Variants in ZBTB7C observed in about 807,000 individuals in gnomAD.
ZBTB7C encodes the protein zinc finger and BTB domain containing 7C, also known as zinc finger and BTB domain-containing protein 7C.
Under a neutral mutation model 25.7 loss-of-function variants are expected in ZBTB7C, and 8 were observed. The ratio of observed to expected loss-of-function variants is 0.31; its 90% confidence interval spans 0.18 to 0.56. ZBTB7C has a LOEUF of 0.56. Ranked by LOEUF, ZBTB7C falls within the 20% of genes least tolerant of loss-of-function variation. The pLI, the probability that ZBTB7C is intolerant of heterozygous loss-of-function variation, is 0.91. For missense variants in ZBTB7C, 824 were observed against 855.2 expected (o/e 0.96, Z 0.46); for synonymous variants, 394 against 369.0 (o/e 1.07, Z -0.78).
At chr18:48,200,088 G>T (rs1270671398) in intron 2 of ZBTB7C, among the ~76,000 whole-genome samples, 2 of 152,016 alleles carry the variant, frequency 1.3e-5, no homozygotes, top group Non-Finnish European at 2.9e-5. Context: ...CCTGCCTGGA[G>T]AATAGACCCT....
chr18:48,232,497 T>A (rs550431987), intron 2 of ZBTB7C, among the ~76,000 whole-genome samples: 2 of 151,882 alleles, frequency 1.3e-5, no homozygotes, highest in Non-Finnish European at 2.9e-5. Flanking sequence ...GACCAGCCCA[T>A]CTGCCAGCTA....
At chr18:48,187,973 C>T (rs1227678878) in intron 2 of ZBTB7C, among the ~76,000 whole-genome samples, 4 of 152,078 alleles carry the variant, frequency 2.6e-5, no homozygotes, top group Non-Finnish European at 5.9e-5. Flanking sequence ...GATGATTGCA[C>T]AACAGTGTGA....
At chr18:48,101,431 T>G (rs771620205) in intron 3 of ZBTB7C, among the ~76,000 whole-genome samples, 5 of 152,236 alleles carry the variant, frequency 3.3e-5, no homozygotes, top group Non-Finnish European at 5.9e-5. Context: ...ATCATCTCAA[T>G]ATGTAATCAA....
chr18:48,357,961 T>A (rs1158057959), intron 1 of ZBTB7C, among the ~76,000 whole-genome samples: 1 of 152,212 alleles, frequency 6.6e-6, no homozygotes, highest in East Asian at 1.9e-4. Context: ...AGTGCTTGGA[T>A]CACAAGGGCA....
chr18:48,257,807 A>G (rs1403069987), intron 2 of ZBTB7C, among the ~76,000 whole-genome samples: 1 of 152,056 alleles, frequency 6.6e-6, no homozygotes, highest in Non-Finnish European at 1.5e-5. Flanking sequence ...AACTAGGATC[A>G]TGCAAATAGA....
intron 2 of ZBTB7C, among the ~76,000 whole-genome samples, chr18:48,205,117 G>A (rs2145219460): frequency 6.6e-6 from 1 of 152,156 alleles, no homozygotes. Context: ...GATTTTCAGG[G>A]TAGCCAGGAA....
intron 2 of ZBTB7C, among the ~76,000 whole-genome samples, chr18:48,251,093 G>A (rs112534929): frequency 0.049 from 7,524 of 152,088 alleles, 243 homozygotes; most frequent in East Asian, 0.1. Context: ...TTAGCTGGGC[G>A]TGGTTGTGTA....
chr18:48,184,843 G>A (rs1453248793), intron 3 of ZBTB7C, among the ~76,000 whole-genome samples: 3 of 142,068 alleles, frequency 2.1e-5, no homozygotes, highest in African/African-American at 5.3e-5. Context: ...CTCTCTCTCT[G>A]TCTTTCTCAT....
intron 2 of ZBTB7C, among the ~76,000 whole-genome samples, chr18:48,293,924 C>A (rs1381959620): frequency 6.6e-6 from 1 of 152,224 alleles, no homozygotes. Context: ...AGCCTTTCAA[C>A]CTTTTGTTTA....
chr18:48,384,863 G>C (rs376879740), intron 1 of ZBTB7C, among the ~76,000 whole-genome samples: 1 of 151,992 alleles, frequency 6.6e-6, no homozygotes, highest in South Asian at 2.1e-4. Flanking sequence ...TGTATTTTTA[G>C]TAGAGACGAG....
Position 48,040,424 on chromosome 18 carries a change from T to C in ZBTB7C, c.684A>G (p.Glu228=), listed in dbSNP as rs1460404530. The C allele has an allele frequency of 6.2e-7, 1 of 1,609,378 alleles. No homozygotes were observed. The part of the protein sequence containing the change: ...HLGVIRDFSI[E]SLLRENLYPK... ...GGTACAGGTTCTCCCTTAGCAGAGA[T>C]TCGATGGAGAAGTCCCGGATCACCC... Residue 228 remains glutamate (E), a synonymous_variant, in exon 4 of 5, where the codon GAA becomes GAG. Coordinates refer to ENST00000590800, the MANE Select transcript of ZBTB7C (RefSeq NM_001318841.2).
At chr18:48,160,106 G>T (rs1344309904) in intron 3 of ZBTB7C, among the ~76,000 whole-genome samples, 1 of 152,176 alleles carries the variant, frequency 6.6e-6, no homozygotes, top group Non-Finnish European at 1.5e-5. Context: ...GTCTCCTCCC[G>T]CACAATGACT....
Position 48,267,677 on chromosome 18 carries a change from G to A in ZBTB7C, c.-79+70497C>T, listed in dbSNP as rs80295621. Among the ~76,000 whole-genome samples the A allele has an allele frequency of 9.7e-3, 1,476 of 152,246 alleles. 21 individuals are homozygous for A. Among genetic ancestry groups the A allele is most frequent in the African/African-American group, 0.034 (1,405 of 41,518 alleles). On this transcript the variant is annotated intron_variant, in intron 2 of 4. Coordinates refer to ENST00000590800, the MANE Select transcript of ZBTB7C (RefSeq NM_001318841.2). ...CAAGGAGATGGTGTTAGAAGGTGGT[G>A]GAGCCTTTGGGAGGTCATTAGGTCA...
chr18:48,144,067 C>T (rs550176604), intron 3 of ZBTB7C, among the ~76,000 whole-genome samples: 2 of 152,226 alleles, frequency 1.3e-5, no homozygotes, highest in South Asian at 4.1e-4. Flanking sequence ...CACTTCAGGT[C>T]AGGAGTTCGA....
chr18:48,384,829 G>A (rs1435909848), intron 1 of ZBTB7C, among the ~76,000 whole-genome samples: 1 of 152,076 alleles, frequency 6.6e-6, no homozygotes, highest in East Asian at 1.9e-4. Context: ...TTACAGGCAT[G>A]CGCCACCATG....
chr18:48,227,911 A>G (rs775917911), intron 2 of ZBTB7C, among the ~76,000 whole-genome samples: 1 of 152,162 alleles, frequency 6.6e-6, no homozygotes. Flanking sequence ...TACAAGGGGT[A>G]AGTGGTACAC....
intron 2 of ZBTB7C, among the ~76,000 whole-genome samples, chr18:48,244,184 G>C (rs928176205): frequency 3.3e-5 from 5 of 152,162 alleles, no homozygotes; most frequent in African/African-American, 1.2e-4. Flanking sequence ...AGGAGGCCAA[G>C]GTGGGTGGAT....
intron 3 of ZBTB7C, among the ~76,000 whole-genome samples, chr18:48,063,336 C>T (rs2037197090): frequency 6.6e-6 from 1 of 152,368 alleles, no homozygotes; most frequent in South Asian, 2.1e-4. Context: ...GAGGTCCTGT[C>T]CTGTCCCATT....
rs183187475 is a variant in ZBTB7C, at chr18:48,389,009, C to A, written c.-304+20217G>T. Among the ~76,000 whole-genome samples the A allele has an allele frequency of 3.3e-5, 5 of 152,278 alleles. No homozygotes were observed. The East Asian group carries it at 5.8e-4, about 18-fold the overall frequency. ...TTAAGTTGACCTCTCCTCTGCCCCC[C>A]AGTCTTTATTTGGACCAGGTTCCAC... On this transcript the variant is annotated intron_variant, in intron 1 of 4. Coordinates refer to ENST00000590800, the MANE Select transcript of ZBTB7C (RefSeq NM_001318841.2).
Sources: gnomAD v4.1 joint callset for allele counts (sites outside exome capture counted in the v4.1 genomes callset) on GRCh38, gnomAD v4.1.1 for gene constraint, MANE v1.5 for transcripts, NCBI Gene and HGNC (gene_info 2026-07-23, HGNC 2026-07-21) for gene names.